Variants in KANK1 observed in about 807,000 individuals in gnomAD.
The protein encoded by KANK1 is KN motif and ankyrin repeat domains 1.
Under a neutral mutation model 106.2 loss-of-function variants are expected in KANK1, and 109 were observed. That is an observed-to-expected ratio of 1.03 (90% CI 0.88 to 1.20). The LOEUF (loss-of-function observed/expected upper bound fraction) is 1.20. KANK1 is among the 50% of genes most tolerant of loss of function. The pLI, the probability that KANK1 is intolerant of heterozygous loss-of-function variation, is 0.00. For synonymous variants in KANK1, 873 were observed against 652.2 expected (o/e 1.34, Z -5.16); for missense variants, 2,399 against 1,710.7 (o/e 1.40, Z -7.10).
At chr9:695,787 G>A (rs1305300753) in intron 2 of KANK1, among the ~76,000 whole-genome samples, 1 of 152,122 alleles carries the variant, frequency 6.6e-6, no homozygotes, top group Admixed American at 6.5e-5. Flanking sequence ...TCAAACAATT[G>A]GAATATAGTC....
At chr9:706,712 C>T (rs544154440) in intron 2 of KANK1, 158 of 853,098 alleles carry the variant, frequency 1.9e-4, no homozygotes, top group Non-Finnish European at 2.2e-4. Flanking sequence ...CTACTTGCCA[C>T]GTGTCATAAG....
In KANK1 at chr9:711,962, G is replaced by T. The variant is rs114784029; in HGVS notation, c.1196G>T (p.Arg399Leu). 6.2e-7 allele frequency: 1 copy of T among 1,614,034 alleles called. No homozygotes were observed. The highest frequency in any genetic ancestry group is 1.3e-5 in the African/African-American group (1 of 74,916). The change falls in exon 3 of 12, where the codon CGG (arginine) becomes CTG (leucine). Residue 399 changes from arginine to leucine, a missense_variant. By Grantham distance (102) the Arg-to-Leu change is moderately radical. Transcript: ENST00000382297. ...GAGCTCAGGGAGAATGGAGAGTGCC[G>T]GTCTGTGGCTGTGGGTGCCGAGGAG... is the stretch of plus-strand genomic sequence containing the variant. Reference protein sequence around the residue: ...SSELRENGECRSVAVGAEENM... With the variant: ...SSELRENGECLSVAVGAEENM...
chr9:695,015 A>C (rs1375923795), intron 2 of KANK1, among the ~76,000 whole-genome samples: 1 of 152,188 alleles, frequency 6.6e-6, no homozygotes, highest in South Asian at 2.1e-4. Context: ...TCAGAGTTCC[A>C]CTGACCCCCC....
chr9:619,480 TG>T (rs1832635807), intron 1 of KANK1, among the ~76,000 whole-genome samples: 1 of 152,134 alleles, frequency 6.6e-6, no homozygotes, highest in Admixed American at 6.5e-5. Flanking sequence ...TTTGAAAACA[TG>T]GGAGTATTAA....
rs375002192 is a variant in KANK1, at chr9:491,639, A to G, written c.-362+18366A>G. On this transcript the variant is annotated intron_variant, in intron 3 of 15. Transcript: ENST00000382303. ...GGTGACATTTGTGGACAGGAGAGAAAGAAGGAGCATGCTGATTTGGGGCGA... is the reference window on the plus strand; with the variant it reads ...GGTGACATTTGTGGACAGGAGAGAAGGAAGGAGCATGCTGATTTGGGGCGA... Among the ~76,000 whole-genome samples the G allele has an allele frequency of 1.1e-4, 17 of 152,288 alleles. No homozygotes were observed. The East Asian group carries it at 2.9e-3, about 26-fold the overall frequency.
At chr9:720,552 C>CA (rs1682422810) in intron 3 of KANK1, among the ~76,000 whole-genome samples, 1 of 152,192 alleles carries the variant, frequency 6.6e-6, no homozygotes, top group Non-Finnish European at 1.5e-5. Context: ...AGGGGGGTCT[C>CA]ACTATGTTGC....
intron 1 of KANK1, among the ~76,000 whole-genome samples, chr9:556,055 T>A (rs796786520): frequency 3.3e-5 from 5 of 152,286 alleles, no homozygotes; most frequent in African/African-American, 1.2e-4. Flanking sequence ...GGGTACTAAG[T>A]TGTAGTTCTT....
At chr9:492,795 C>T (rs985062876) in intron 3 of KANK1, among the ~76,000 whole-genome samples, 3 of 151,922 alleles carry the variant, frequency 2.0e-5, no homozygotes, top group South Asian at 2.1e-4. Context: ...GAGGCCGAGG[C>T]GGGTGGATCA....
chr9:687,027 T>A, intron 2 of KANK1: 1 of 682,986 alleles, frequency 1.5e-6, no homozygotes, highest in Non-Finnish European at 1.8e-6. Flanking sequence ...CTGAATTTCT[T>A]TTCTTTTCTT....
intron 1 of KANK1, among the ~76,000 whole-genome samples, chr9:582,234 T>C (rs1046859737): frequency 6.6e-6 from 1 of 151,928 alleles, no homozygotes; most frequent in Admixed American, 6.6e-5. Context: ...GAGGGGAGTA[T>C]GGGGGGTGTG....
At chr9:720,635 C>T (rs760032249) in intron 3 of KANK1, among the ~76,000 whole-genome samples, 1 of 152,136 alleles carries the variant, frequency 6.6e-6, no homozygotes, top group African/African-American at 2.4e-5. Context: ...GGATTACAGG[C>T]GTAAGCCAAT....
chr9:689,821 A>AG (rs1267922281), intron 2 of KANK1, among the ~76,000 whole-genome samples: 1 of 152,134 alleles, frequency 6.6e-6, no homozygotes, highest in Non-Finnish European at 1.5e-5. Flanking sequence ...CCAGGCCCTC[A>AG]GCGTGGGGTA....
intron 1 of KANK1, among the ~76,000 whole-genome samples, chr9:575,508 G>GA (rs36033779): frequency 8.6e-4 from 110 of 128,306 alleles, no homozygotes; most frequent in Middle Eastern, 8.4e-3. Context: ...TCTCTACAGG[G>GA]AAAAAAAAAA....
chr9:722,620 G>A (rs1829648614), intron 3 of KANK1, among the ~76,000 whole-genome samples: 1 of 152,120 alleles, frequency 6.6e-6, no homozygotes, highest in Non-Finnish European at 1.5e-5. Flanking sequence ...ATTGTTTATA[G>A]GCCACTCAAG....
chr9:636,188 A>G (rs1054029221), intron 1 of KANK1, among the ~76,000 whole-genome samples: 12 of 152,064 alleles, frequency 7.9e-5, no homozygotes, highest in African/African-American at 2.9e-4. Flanking sequence ...GTTTTTGTAA[A>G]AGTTCTCAGG....
chr9:505,044 A>G (rs2058681958), intron 1 of KANK1, among the ~76,000 whole-genome samples: 1 of 151,260 alleles, frequency 6.6e-6, no homozygotes, highest in Non-Finnish European at 1.5e-5. Context: ...GCCGGTCTGG[A>G]GGAGGGAGAG....
At chr9:490,863 C>T (rs1198832412) in intron 3 of KANK1, among the ~76,000 whole-genome samples, 2 of 150,492 alleles carry the variant, frequency 1.3e-5, no homozygotes, top group East Asian at 3.9e-4. Flanking sequence ...CAAATATAAA[C>T]ATAATAAATG....
At chr9:693,617 G>A in intron 2 of KANK1, 2 of 985,384 alleles carry the variant, frequency 2.0e-6, no homozygotes, top group Non-Finnish European at 2.4e-6. Flanking sequence ...CCCGTGGCCA[G>A]CAGGCTGTTA....
intron 1 of KANK1, among the ~76,000 whole-genome samples, chr9:604,215 A>G (rs908698760): frequency 2.0e-5 from 3 of 151,724 alleles, no homozygotes; most frequent in Non-Finnish European, 4.4e-5. Flanking sequence ...GTAAACAATA[A>G]TGATGATTCT....
Sources: gnomAD v4.1 joint callset for allele counts (sites outside exome capture counted in the v4.1 genomes callset) on GRCh38, gnomAD v4.1.1 for gene constraint, MANE v1.5 for transcripts, NCBI Gene and HGNC (gene_info 2026-07-23, HGNC 2026-07-21) for gene names.